The following FOXK1 variants were observed in gnomAD, a reference collection of about 807,000 sequenced individuals.
FOXK1 encodes forkhead box K1.
Under a neutral mutation model 51.9 loss-of-function variants are expected in FOXK1, and 19 were observed. The ratio of observed to expected loss-of-function variants is 0.37; its 90% confidence interval spans 0.26 to 0.54. The LOEUF (loss-of-function observed/expected upper bound fraction) is 0.54, where lower values mean the gene tolerates loss of function less well. Ranked by LOEUF, FOXK1 falls within the 20% of genes least tolerant of loss-of-function variation. FOXK1 has a pLI of 0.87. For missense variants in FOXK1, 870 were observed against 1,032.7 expected, an observed-to-expected ratio of 0.84 and a Z score of 2.16; for synonymous variants, 537 against 482.6, an observed-to-expected ratio of 1.11 and a Z score of -1.48.
At position 4,715,026 on chromosome 7, in the gene FOXK1, A is replaced by C. The variant is rs1408868903; in HGVS notation, c.561-25812A>C. Among the ~76,000 whole-genome samples the C allele has an allele frequency of 6.6e-6, 1 of 152,182 alleles. No individual in the cohort carries two copies. Among genetic ancestry groups the C allele is most frequent in the Non-Finnish European group, 1.5e-5 (1 of 68,042 alleles). On this transcript the variant is annotated intron_variant, in intron 1 of 8. Transcript: ENST00000328914. This position sits in a 1 kb window ranked among gnomAD's most constrained non-coding sequence, Gnocchi z 4.5. ...GAACAGAAGCCACACACCAGCGACAATCAGAGGTTACATAGGCTTGGGGCG... is the reference window on the plus strand; with the variant it reads ...GAACAGAAGCCACACACCAGCGACACTCAGAGGTTACATAGGCTTGGGGCG...
At chr7:4,760,047 T>C (rs957051559) in intron 7 of FOXK1, 8 of 168,456 alleles carry the variant, frequency 4.7e-5, no homozygotes, top group Non-Finnish European at 8.5e-5. Flanking sequence ...AAAAAACCCA[T>C]GAATCTCCGC....
At chr7:4,716,748 G>A (rs2115044591) in intron 1 of FOXK1, among the ~76,000 whole-genome samples, 1 of 152,356 alleles carries the variant, frequency 6.6e-6, no homozygotes. Context: ...GAGAGGGGCT[G>A]TGGGTGTCTC....
chr7:4,706,741 G>A (rs1039825486), intron 1 of FOXK1, among the ~76,000 whole-genome samples: 2 of 152,248 alleles, frequency 1.3e-5, no homozygotes, highest in African/African-American at 4.8e-5. Flanking sequence ...AGGGTGAAAC[G>A]TTCGAAAGCT....
chr7:4,714,016 A>G (rs1264818960), intron 1 of FOXK1, among the ~76,000 whole-genome samples: 4 of 145,212 alleles, frequency 2.8e-5, no homozygotes, highest in African/African-American at 5.1e-5. Flanking sequence ...AGTAGAGACG[A>G]GGTTTCACTG....
rs537959321 is a variant in FOXK1, at chr7:4,723,179, C to T, written c.561-17659C>T. On this transcript the variant is annotated intron_variant, in intron 1 of 8. Coordinates refer to ENST00000328914, the MANE Select transcript of FOXK1 (RefSeq NM_001037165.2). This position sits in a 1 kb window ranked among gnomAD's most constrained non-coding sequence, Gnocchi z 4.7. ...AAGCACTGGGTCCAGGGCGCCTGCT[C>T]GCGGTCACCCATAGGGTGGGTGGAC... is the stretch of plus-strand genomic sequence containing the variant. Among the ~76,000 whole-genome samples the T allele has an allele frequency of 3.9e-5, 6 of 152,002 alleles. No homozygotes were observed. The highest frequency in any genetic ancestry group is 7.4e-5 in the Non-Finnish European group (5 of 67,990).
chr7:4,761,215 C>T lies in FOXK1; in HGVS notation c.1848C>T (p.His616=), dbSNP rs1173033252. Residue 616 remains histidine, a synonymous_variant, in exon 8 of 9, where the codon CAC becomes CAT. Coordinates refer to ENST00000328914, the MANE Select transcript of FOXK1 (RefSeq NM_001037165.2). This position sits in a 1 kb window ranked among gnomAD's most constrained non-coding sequence, Gnocchi z 6.2. ...CACCCGTGACCCTCGGGCAGCACCA[C>T]CTTCCAGTCCGGGCCGTGACCCAGA... The part of the protein sequence containing the change: ...PATPVTLGQH[H]LPVRAVTQNG... 6.2e-6 allele frequency: 10 copies of T among 1,613,224 alleles called. No individual in the cohort carries two copies. Among genetic ancestry groups the T allele is most frequent in the Non-Finnish European group, 7.6e-6 (9 of 1,180,036 alleles).
chr7:4,730,073 C>T lies in FOXK1; in HGVS notation c.561-10765C>T, dbSNP rs984303480. Among the ~76,000 whole-genome samples, 2 of 152,170 alleles carry T rather than the reference C, an allele frequency of 1.3e-5. No individual in the cohort carries two copies. Among genetic ancestry groups the T allele is most frequent in the African/African-American group, 4.8e-5 (2 of 41,444 alleles). On this transcript the variant is annotated intron_variant, in intron 1 of 8. Transcript: ENST00000328914. The surrounding 1 kb of genome is among the most constrained non-coding windows in gnomAD (Gnocchi z 4.7). Reference sequence around the variant, plus strand: ...GTCTGCGTTTTTCACCGCGTGTCACCGACTCAGCATATGGGCTTGAGTATC... The same window carrying T: ...GTCTGCGTTTTTCACCGCGTGTCACTGACTCAGCATATGGGCTTGAGTATC...
chr7:4,751,079 A>G (rs1047014877), intron 2 of FOXK1, among the ~76,000 whole-genome samples: 36 of 143,782 alleles, frequency 2.5e-4, no homozygotes, highest in African/African-American at 8.7e-4. Context: ...CAGTGGCGCA[A>G]TCTCGACTCA....
At chr7:4,754,794 C>A in intron 3 of FOXK1, 179 bp downstream of exon 3, 1 of 777,924 alleles carries the variant, frequency 1.3e-6, no homozygotes, top group Non-Finnish European at 2.0e-6. Flanking sequence ...TTTTCGTGCC[C>A]AAATCATCCC....
chr7:4,734,252 A>G lies in FOXK1; in HGVS notation c.561-6586A>G, dbSNP rs1259909157. ...TAGGCCTCCCAGACAGAGCCTCTGA[A>G]GCTCCTGTTTTCTTTGTCCTTCCTG... On this transcript the variant is annotated intron_variant, in intron 1 of 8. Coordinates refer to ENST00000328914, the MANE Select transcript of FOXK1 (RefSeq NM_001037165.2). The surrounding 1 kb of genome is among the most constrained non-coding windows in gnomAD (Gnocchi z 5.2). Among the ~76,000 whole-genome samples, 1 of 152,152 alleles carries G rather than the reference A, an allele frequency of 6.6e-6. No individual in the cohort carries two copies. Among genetic ancestry groups the G allele is most frequent in the African/African-American group, 2.4e-5 (1 of 41,454 alleles).
intron 1 of FOXK1, among the ~76,000 whole-genome samples, chr7:4,705,971 TACGTATATATAC>T (rs1780088232): frequency 1.3e-5 from 1 of 76,470 alleles, no homozygotes; most frequent in Non-Finnish European, 2.4e-5. Context: ...TATATATATA[TACGTATATATAC>T]GTATATATAC....
chr7:4,719,636 C>G (rs1780283476), intron 1 of FOXK1, among the ~76,000 whole-genome samples: 1 of 152,150 alleles, frequency 6.6e-6, no homozygotes, highest in Admixed American at 6.5e-5. Context: ...CACACGCCAC[C>G]ATGCCCATCT....
chr7:4,705,203 A>T (rs987909338), intron 1 of FOXK1, among the ~76,000 whole-genome samples: 4 of 150,944 alleles, frequency 2.6e-5, no homozygotes, highest in African/African-American at 9.7e-5. Context: ...TGTTGCTGTT[A>T]TTAGAGACAA....
In FOXK1 at chr7:4,761,024, G is replaced by C. The variant is rs1047263893; in HGVS notation, c.1697-40G>C. 3 of 1,577,182 alleles carry C rather than the reference G, an allele frequency of 1.9e-6. No homozygotes were observed. Among genetic ancestry groups the C allele is most frequent in the Non-Finnish European group, 1.7e-6 (2 of 1,149,610 alleles). On this transcript the variant is annotated intron_variant, in intron 7 of 8. Coordinates refer to ENST00000328914, the MANE Select transcript of FOXK1 (RefSeq NM_001037165.2). This position sits in a 1 kb window ranked among gnomAD's most constrained non-coding sequence, Gnocchi z 6.2. Reference sequence around the variant, plus strand: ...AGGCGTCGAGGAAATCGATTGTCTCGTTGGCCGAGTGTGGTGCTGACTTGG... The same window carrying C: ...AGGCGTCGAGGAAATCGATTGTCTCCTTGGCCGAGTGTGGTGCTGACTTGG...
chr7:4,740,730 A>G, intron 1 of FOXK1, 108 bp from the exon 2 acceptor site: 1 of 1,131,810 alleles, frequency 8.8e-7, no homozygotes, highest in Non-Finnish European at 1.3e-6. Flanking sequence ...CCCAGGTTTG[A>G]GAGTTACGGT....
chr7:4,682,776 G>T lies in FOXK1; in HGVS notation c.468G>T (p.Pro156=), dbSNP rs774175650. The T allele has an allele frequency of 1.9e-6, 3 of 1,593,984 alleles. No individual in the cohort carries two copies. Among genetic ancestry groups the T allele is most frequent in the South Asian group, 1.1e-5 (1 of 89,426 alleles). Residue 156 remains proline, a synonymous_variant, in exon 1 of 9, where the codon CCG becomes CCT. Coordinates refer to ENST00000328914, the MANE Select transcript of FOXK1 (RefSeq NM_001037165.2). This position sits in a 1 kb window ranked among gnomAD's most constrained non-coding sequence, Gnocchi z 7.6. ...ACCTGCAGCTCAGCTTCCAGGAGCC[G>T]CACTTCTACCTGCGCTGCCTCGGCA... ...RRHLQLSFQE[P]HFYLRCLGKN... is the part of the protein sequence containing the mutation.
rs570105691 is a variant in FOXK1 at position 4,693,377 on chromosome 7, T to C, written c.560+10509T>C. 2.0e-5 allele frequency among the ~76,000 whole-genome samples: 3 copies of C among 152,360 alleles called. No homozygotes were observed. In the South Asian group the frequency reaches 6.2e-4, roughly 32 times the overall value. On this transcript the variant is annotated intron_variant, in intron 1 of 8. Coordinates refer to ENST00000328914, the MANE Select transcript of FOXK1 (RefSeq NM_001037165.2). ...CACAGCATATTTTAAATAGACTTTT[T>C]ATAGAGCAGTTTTAGGTTCACAGCA...
At position 4,703,670 on chromosome 7, in the gene FOXK1, C is replaced by G. The variant is rs1780047820; in HGVS notation, c.560+20802C>G. Among the ~76,000 whole-genome samples the G allele has an allele frequency of 6.6e-6, 1 of 152,188 alleles. No homozygotes were observed. The highest frequency in any genetic ancestry group is 2.1e-4 in the South Asian group (1 of 4,838). On this transcript the variant is annotated intron_variant, in intron 1 of 8. Transcript: ENST00000328914. The surrounding 1 kb of genome is among the most constrained non-coding windows in gnomAD (Gnocchi z 5.6). ...TAAAACCAAATGATCCCGGGTAGAG[C>G]TGCAGCTGGGGACTGGTGCGCCATG...
intron 1 of FOXK1, among the ~76,000 whole-genome samples, chr7:4,719,190 G>A (rs1041972751): frequency 2.0e-5 from 3 of 151,434 alleles, no homozygotes; most frequent in Non-Finnish European, 2.9e-5. Context: ...GCTGGAGTGC[G>A]ATGGCACAAT....
Sources: gnomAD v4.1 joint callset for allele counts (sites outside exome capture counted in the v4.1 genomes callset) on GRCh38, gnomAD v4.1.1 for gene constraint, Gnocchi (gnomAD v3.1) non-coding constraint, MANE v1.5 for transcripts, NCBI Gene and HGNC (gene_info 2026-07-23, HGNC 2026-07-21) for gene names.